AKAP13: variants seen among roughly 807,000 people sequenced by gnomAD.
The protein encoded by AKAP13 is A-kinase anchor protein 13.
A neutral mutation model predicts 264.5 loss-of-function variants in AKAP13; 80 were observed. That is an observed-to-expected ratio of 0.30 (90% CI 0.25 to 0.36). AKAP13 has a LOEUF of 0.36. Among genes scored for constraint, AKAP13 ranks in the 10% least tolerant of loss-of-function variants. AKAP13 has a pLI of 1.00. For synonymous variants in AKAP13, 1,380 were observed against 1,250.2 expected, an observed-to-expected ratio of 1.10 and a Z score of -2.19; for missense variants, 3,712 against 3,435.2, an observed-to-expected ratio of 1.08 and a Z score of -2.01.
intron 1 of AKAP13, among the ~76,000 whole-genome samples, chr15:85,425,709 C>G (rs1414142533): frequency 7.8e-6 from 1 of 128,762 alleles, no homozygotes; most frequent in Non-Finnish European, 1.6e-5. Context: ...GAGTGAGACT[C>G]TGTCTCAAAA....
chr15:85,430,825 T>G (rs1270122055), intron 1 of AKAP13, among the ~76,000 whole-genome samples: 1 of 152,218 alleles, frequency 6.6e-6, no homozygotes, highest in Non-Finnish European at 1.5e-5. Context: ...ATCCACATTT[T>G]GCAGGTGAAA....
At chr15:85,450,265 T>C (rs1308366691) in intron 1 of AKAP13, among the ~76,000 whole-genome samples, 1 of 152,136 alleles carries the variant, frequency 6.6e-6, no homozygotes, top group Non-Finnish European at 1.5e-5. Flanking sequence ...GTAGTAACAT[T>C]CCCTGCGTCA....
intron 8 of AKAP13, among the ~76,000 whole-genome samples, chr15:85,607,809 T>C (rs534810930): frequency 6.6e-6 from 1 of 152,240 alleles, no homozygotes; most frequent in East Asian, 1.9e-4. Flanking sequence ...AAATATGTGT[T>C]CTAGTTAAGT....
chr15:85,430,819 A>T (rs1480934744), intron 1 of AKAP13, among the ~76,000 whole-genome samples: 1 of 152,216 alleles, frequency 6.6e-6, no homozygotes, highest in African/African-American at 2.4e-5. Flanking sequence ...GTTGTTATCC[A>T]CATTTTGCAG....
rs1199459641 is a variant in AKAP13, at chr15:85,684,601, GT to G, written c.5157-136del. 5.0e-5 allele frequency: 44 copies of G among 878,748 alleles called. 1 individual carries two copies. In the South Asian group the frequency reaches 7.6e-4, roughly 15 times the overall value. The allele number at this position is 878,748 out of a possible 1,614,324, so 54.4% of individuals were successfully genotyped here. A position where few individuals can be genotyped will look rare whatever the true frequency, so the allele number is the denominator to read the frequency against. ...GACGGATCTAAGGAAACTTAGCCAA[GT>G]TTTGATAACAGAACCTGGGCGTTGT... On this transcript the variant is annotated intron_variant, in intron 15 of 36. Transcript: ENST00000394518.
At position 85,597,561 on chromosome 15, in the gene AKAP13, C is replaced by G. The variant is rs115261427; in HGVS notation, c.4161+11738C>G. On this transcript the variant is annotated intron_variant, in intron 8 of 36. Coordinates refer to ENST00000394518, the MANE Select transcript of AKAP13 (RefSeq NM_007200.5). Reference sequence around the variant, plus strand: ...GGAAGGATACAGCTGAATGTGTACGCTTGATCCCTTTGTTGTGGTTGATGA... The same window carrying G: ...GGAAGGATACAGCTGAATGTGTACGGTTGATCCCTTTGTTGTGGTTGATGA... 9.0e-3 allele frequency among the ~76,000 whole-genome samples: 1,365 copies of G among 152,308 alleles called. 22 individuals are homozygous for G. Among genetic ancestry groups the G allele is most frequent in the African/African-American group, 0.028 (1,163 of 41,572 alleles).
rs1372440393 is a variant in AKAP13 at position 85,631,502 on chromosome 15, T to TCTCTCACACACA, written c.4162-7871_4162-7870insTCTCACACACAC. On this transcript the variant is annotated intron_variant, in intron 8 of 36. Transcript: ENST00000394518. ...CACACTTTCTCTCTCTCTCTCTCTCTCACACACACACACACACACACACAC... is the reference window on the plus strand; with the variant it reads ...CACACTTTCTCTCTCTCTCTCTCTCTCTCTCACACACACACACACACACACACACACACACAC... Among the ~76,000 whole-genome samples the TCTCTCACACACA allele has an allele frequency of 2.0e-4, 28 of 140,952 alleles. 1 individual carries two copies. Among genetic ancestry groups the TCTCTCACACACA allele is most frequent in the African/African-American group, 7.2e-4 (27 of 37,310 alleles). The allele number at this position is 140,952 out of a possible 152,430, so 92.5% of individuals were successfully genotyped here. A position where few individuals can be genotyped will look rare whatever the true frequency, so the allele number is the denominator to read the frequency against.
chr15:85,672,350 C>T (rs765443341), intron 14 of AKAP13, among the ~76,000 whole-genome samples: 1 of 152,154 alleles, frequency 6.6e-6, no homozygotes, highest in Admixed American at 6.5e-5. Context: ...AAATAGTTTC[C>T]CACCTGTATT....
chr15:85,526,413 G>A (rs947129416), intron 3 of AKAP13, among the ~76,000 whole-genome samples: 6 of 151,156 alleles, frequency 4.0e-5, no homozygotes, highest in East Asian at 1.9e-4. Flanking sequence ...TAAGTGGCAC[G>A]TGTGTGTGTC....
At chr15:85,411,594 C>T (rs971649526) in intron 1 of AKAP13, among the ~76,000 whole-genome samples, 6 of 152,124 alleles carry the variant, frequency 3.9e-5, no homozygotes, top group African/African-American at 7.2e-5. Context: ...CCCACCACCA[C>T]GCCCGGCTAA....
chr15:85,525,991 GTTAT>G (rs998092235), intron 3 of AKAP13, among the ~76,000 whole-genome samples: 30 of 152,260 alleles, frequency 2.0e-4, no homozygotes, highest in African/African-American at 7.2e-4. Flanking sequence ...CAGCATGTCT[GTTAT>G]TTATTTTTAG....
intron 1 of AKAP13, among the ~76,000 whole-genome samples, chr15:85,410,373 T>C (rs2071902422): frequency 6.6e-6 from 1 of 151,638 alleles, no homozygotes; most frequent in Non-Finnish European, 1.5e-5. Flanking sequence ...GGCTTCAAAA[T>C]AGGTCTTCTG....
At chr15:85,465,161 C>G (rs550199303) in intron 1 of AKAP13, among the ~76,000 whole-genome samples, 24 of 147,592 alleles carry the variant, frequency 1.6e-4, no homozygotes, top group Non-Finnish European at 1.9e-4. Flanking sequence ...CATGTGTTAG[C>G]CAGGATGGTC....
chr15:85,580,209 C>G lies in AKAP13; in HGVS notation c.2141C>G (p.Ala714Gly). The G allele has an allele frequency of 6.2e-7, 1 of 1,614,240 alleles. No homozygotes were observed. The highest frequency in any genetic ancestry group is 8.5e-7 in the Non-Finnish European group (1 of 1,180,038). The change falls in exon 7 of 37, where the codon GCT becomes GGT. Residue 714 changes from alanine (A) to glycine (G), a missense_variant. By Grantham distance (60) the Ala-to-Gly change is moderately conservative. This residue lies in a region of AKAP13 where 2,759 missense variants were observed against 2,411.7 expected (regional missense o/e 1.14). Coordinates refer to ENST00000394518, the MANE Select transcript of AKAP13 (RefSeq NM_007200.5). ...PDASHCEDPQ[A>G]HTVTSDPVRD... ...GCCTCCCACTGTGAAGACCCACAGG[C>G]TCATACAGTCACCTCTGACCCTGTA...
chr15:85,596,269 T>C (rs776217957), intron 8 of AKAP13, among the ~76,000 whole-genome samples: 90 of 152,346 alleles, frequency 5.9e-4, no homozygotes, highest in Middle Eastern at 6.8e-3. Flanking sequence ...TGGCATTTGC[T>C]CCTGACTGAG....
At chr15:85,656,112 A>G (rs903169056) in intron 11 of AKAP13, among the ~76,000 whole-genome samples, 2 of 152,224 alleles carry the variant, frequency 1.3e-5, no homozygotes, top group African/African-American at 4.8e-5. Flanking sequence ...TACCACATTA[A>G]TGAAACTTAT....
intron 1 of AKAP13, among the ~76,000 whole-genome samples, chr15:85,414,823 T>G (rs2072159095): frequency 6.6e-6 from 1 of 152,272 alleles, no homozygotes; most frequent in Non-Finnish European, 1.5e-5. Flanking sequence ...TCTCTTGTCT[T>G]AGGCTTTGCC....
chr15:85,635,103 T>C (rs2082017529), intron 8 of AKAP13: 1 of 398,138 alleles, frequency 2.5e-6, no homozygotes, highest in Admixed American at 4.4e-5. Context: ...TGCTATGTTG[T>C]ATGTAAGTAT....
intron 33 of AKAP13, among the ~76,000 whole-genome samples, 187 bp from the exon 34 acceptor site, chr15:85,740,031 CTTCG>C (rs544974662): frequency 1.3e-5 from 2 of 152,176 alleles, no homozygotes; most frequent in East Asian, 3.9e-4. Flanking sequence ...TCACTGTGGT[CTTCG>C]TTTGTTTTTC....
Sources: allele counts gnomAD v4.1 joint callset (sites outside exome capture counted in the v4.1 genomes callset), GRCh38; gene constraint gnomAD v4.1.1; regional missense constraint gnomAD v4.1.1; transcripts MANE v1.5; gene names NCBI Gene and HGNC (gene_info 2026-07-23, HGNC 2026-07-21).